Variants in CSMD1 observed in about 807,000 individuals in gnomAD.
CSMD1 encodes the protein CUB and Sushi multiple domains 1, also known as CUB and sushi domain-containing protein 1.
A neutral mutation model predicts 417.5 loss-of-function variants in CSMD1; 213 were observed. The ratio of observed to expected loss-of-function variants is 0.51; its 90% CI spans 0.46 to 0.57. CSMD1 has a LOEUF of 0.57. CSMD1 is among the 20% of genes least tolerant of loss of function. The pLI, the probability that CSMD1 is intolerant of heterozygous loss-of-function variation, is 0.00. For synonymous variants in CSMD1, 2,862 were observed against 1,736.8 expected, an observed-to-expected ratio of 1.65 and a Z score of -16.11; for missense variants, 6,923 against 4,529.7, an observed-to-expected ratio of 1.53 and a Z score of -15.17.
intron 10 of CSMD1, among the ~76,000 whole-genome samples, chr8:3,574,158 C>G (rs535255390): frequency 2.0e-5 from 3 of 152,178 alleles, no homozygotes; most frequent in Non-Finnish European, 2.9e-5. Context: ...GGAAAACACG[C>G]TCAGATGTTT....
chr8:3,529,921 G>C (rs1304145246), intron 10 of CSMD1, among the ~76,000 whole-genome samples: 1 of 152,166 alleles, frequency 6.6e-6, no homozygotes, highest in Non-Finnish European at 1.5e-5. Context: ...TCTAGTCATA[G>C]AATCAACATT....
chr8:4,499,183 C>A (rs777367618), intron 2 of CSMD1, among the ~76,000 whole-genome samples: 13 of 152,060 alleles, frequency 8.5e-5, no homozygotes, highest in Non-Finnish European at 1.5e-4. Flanking sequence ...GAAAGCAAGA[C>A]AGAAAATTGA....
chr8:4,972,679 C>G (rs1202302052), intron 1 of CSMD1, among the ~76,000 whole-genome samples: 1 of 151,854 alleles, frequency 6.6e-6, no homozygotes, highest in East Asian at 1.9e-4. Flanking sequence ...GTTGACTTTC[C>G]TTCAACAACC....
At chr8:3,071,074 G>A (rs1200571128) in intron 49 of CSMD1, among the ~76,000 whole-genome samples, 1 of 152,136 alleles carries the variant, frequency 6.6e-6, no homozygotes, top group African/African-American at 2.4e-5. Context: ...AGAGGTGGGT[G>A]GGGATGCCAC....
chr8:3,277,116 C>G (rs781611511), intron 26 of CSMD1, among the ~76,000 whole-genome samples: 2 of 152,072 alleles, frequency 1.3e-5, no homozygotes, highest in Non-Finnish European at 2.9e-5. Context: ...CTGAGAGAGG[C>G]TAGCATCTGA....
At chr8:3,742,084 G>C (rs1353960854) in intron 6 of CSMD1, among the ~76,000 whole-genome samples, 2 of 151,102 alleles carry the variant, frequency 1.3e-5, no homozygotes, top group African/African-American at 4.9e-5. Flanking sequence ...ACATCCTGGT[G>C]CACCTGGCTC....
intron 23 of CSMD1, among the ~76,000 whole-genome samples, chr8:3,317,665 T>A (rs1805863890): frequency 6.6e-6 from 1 of 152,180 alleles, no homozygotes; most frequent in African/African-American, 2.4e-5. Context: ...CAGCCTACAG[T>A]TATCTGGTTA....
At chr8:3,769,876 G>A (rs73658241) in intron 5 of CSMD1, among the ~76,000 whole-genome samples, 2,455 of 152,292 alleles carry the variant, frequency 0.016, 51 homozygotes, top group African/African-American at 0.056. Flanking sequence ...GTATGTGTCA[G>A]AAGGGATGTA....
intron 3 of CSMD1, among the ~76,000 whole-genome samples, chr8:4,067,427 A>C (rs1799309223): frequency 6.6e-6 from 1 of 152,204 alleles, no homozygotes; most frequent in African/African-American, 2.4e-5. Context: ...TATTTCCCAG[A>C]GAATTTATTA....
rs1265857263 is a variant in CSMD1, at chr8:4,930,281, T to C, written c.85+64051A>G. On this transcript the variant is annotated intron_variant, in intron 1 of 69. Transcript: ENST00000635120. ...AAATATTAAAACAAAATTTATTTCA[T>C]GTAAAAGTGTCATATGCAATTGGTG... Among the ~76,000 whole-genome samples, 6 of 152,332 alleles carry C rather than the reference T, an allele frequency of 3.9e-5. No individual in the cohort carries two copies. The East Asian group carries it at 1.2e-3, about 29-fold the overall frequency.
chr8:3,451,655 G>C (rs990380984), intron 12 of CSMD1, among the ~76,000 whole-genome samples: 1 of 152,116 alleles, frequency 6.6e-6, no homozygotes, highest in Admixed American at 6.5e-5. Context: ...TGAGGGCTCT[G>C]TTCTGTTCCA....
chr8:4,913,370 G>A (rs1805831950), intron 1 of CSMD1, among the ~76,000 whole-genome samples: 3 of 152,080 alleles, frequency 2.0e-5, no homozygotes, highest in Non-Finnish European at 4.4e-5. Context: ...TTCTGGCGGG[G>A]GACCATTGCT....
rs568026243 is a variant in CSMD1, at chr8:2,949,217, C to T, written c.10402+82G>A. 65 of 742,936 alleles carry T rather than the reference C, an allele frequency of 8.7e-5. 1 individual carries two copies. In the South Asian group the frequency reaches 9.9e-4, roughly 11 times the overall value. The allele number at this position is 742,936 out of a possible 1,614,324, so 46.0% of individuals were successfully genotyped here. On this transcript the variant is annotated intron_variant, in intron 68 of 69. Coordinates refer to ENST00000635120, the MANE Select transcript of CSMD1 (RefSeq NM_033225.6). ...TTTTTGTTTAGGTTTCTTTTAGAGT[C>T]GTCTTTTCCATTTCTTCTTAGAAAC...
intron 3 of CSMD1, among the ~76,000 whole-genome samples, chr8:4,085,014 C>A (rs762039386): frequency 8.2e-6 from 1 of 122,322 alleles, no homozygotes; most frequent in Non-Finnish European, 1.9e-5. Context: ...TTAGATTTTT[C>A]CTTATGCAAA....
intron 5 of CSMD1, among the ~76,000 whole-genome samples, chr8:3,756,763 C>G (rs1157325437): frequency 6.6e-6 from 1 of 151,956 alleles, no homozygotes; most frequent in East Asian, 1.9e-4. Flanking sequence ...ACTCGCATTA[C>G]TTATGAACGG....
chr8:4,261,493 G>C (rs1803878269), intron 3 of CSMD1, among the ~76,000 whole-genome samples: 1 of 152,082 alleles, frequency 6.6e-6, no homozygotes, highest in South Asian at 2.1e-4. Context: ...TGTACAGCAT[G>C]GTTACTTTAG....
At chr8:3,444,177 T>G (rs974167759) in intron 12 of CSMD1, among the ~76,000 whole-genome samples, 7 of 152,164 alleles carry the variant, frequency 4.6e-5, no homozygotes, top group African/African-American at 1.4e-4. Flanking sequence ...ATCATAATGT[T>G]GAAATATCAT....
intron 7 of CSMD1, among the ~76,000 whole-genome samples, chr8:3,619,882 A>G (rs533732601): frequency 4.6e-5 from 7 of 152,164 alleles, no homozygotes; most frequent in Non-Finnish European, 1.0e-4. Flanking sequence ...TGGGTGGATC[A>G]CTTGACGTCA....
intron 42 of CSMD1, among the ~76,000 whole-genome samples, chr8:3,114,284 A>C (rs1816720318): frequency 6.6e-6 from 1 of 152,040 alleles, no homozygotes; most frequent in African/African-American, 2.4e-5. Flanking sequence ...TTTAAATTTT[A>C]AAACCTTGAA....
Sources: allele counts gnomAD v4.1 joint callset (sites outside exome capture counted in the v4.1 genomes callset), GRCh38; gene constraint gnomAD v4.1.1; transcripts MANE v1.5; gene names NCBI Gene and HGNC (gene_info 2026-07-23, HGNC 2026-07-21).